Variants in CFAP54 observed in about 807,000 individuals in gnomAD.
CFAP54 encodes the protein cilia and flagella associated protein 54, also known as cilia- and flagella-associated protein 54.
In CFAP54, 290 loss-of-function variants were observed where a neutral mutation model predicts 370.4. That is an observed-to-expected ratio of 0.78 (90% confidence interval 0.71 to 0.86). CFAP54 has a LOEUF of 0.86. Among genes scored for constraint, CFAP54 ranks in the 40% least tolerant of loss-of-function variants. CFAP54 has a pLI of 0.00. For missense variants in CFAP54, 3,399 were observed against 3,528.7 expected (o/e 0.96, Z 0.93); for synonymous variants, 1,206 against 1,236.5 (o/e 0.98, Z 0.52).
intron 65 of CFAP54, among the ~76,000 whole-genome samples, chr12:96,827,870 TTA>T (rs1265131356): frequency 8.9e-6 from 1 of 112,802 alleles, no homozygotes; most frequent in African/African-American, 3.6e-5. Flanking sequence ...TAGTAATATA[TTA>T]TATATAGTTA....
intron 22 of CFAP54, among the ~76,000 whole-genome samples, chr12:96,585,149 C>T (rs1956065628): frequency 6.6e-6 from 1 of 150,422 alleles, no homozygotes; most frequent in Non-Finnish European, 1.5e-5. Flanking sequence ...ATTTTTTTGA[C>T]TTCTTTTTAT....
intron 52 of CFAP54, 70 bp from the exon 53 acceptor site, chr12:96,743,332 G>A: frequency 6.9e-7 from 1 of 1,454,390 alleles, no homozygotes; most frequent in Non-Finnish European, 9.5e-7. Context: ...GATGAAAATT[G>A]GGGCTATTAC....
chr12:96,674,009 T>G (rs1047820213), intron 39 of CFAP54, among the ~76,000 whole-genome samples: 2 of 152,224 alleles, frequency 1.3e-5, no homozygotes, highest in Non-Finnish European at 2.9e-5. Flanking sequence ...TTAAGCTCCA[T>G]AGGGGAGATA....
intron 33 of CFAP54, chr12:96,645,480 C>G (rs1472050036): frequency 1.1e-5 from 2 of 174,388 alleles, no homozygotes; most frequent in African/African-American, 2.4e-5. Flanking sequence ...ACATTCCATG[C>G]TTAGGGATAG....
At chr12:96,498,572 G>C (rs1372586623) in intron 1 of CFAP54, among the ~76,000 whole-genome samples, 5 of 152,194 alleles carry the variant, frequency 3.3e-5, no homozygotes, top group Non-Finnish European at 5.9e-5. Flanking sequence ...AGAATCACTT[G>C]AATCCAGGAG....
chr12:96,779,312 G>A (rs2136687995), intron 60 of CFAP54, among the ~76,000 whole-genome samples: 1 of 152,168 alleles, frequency 6.6e-6, no homozygotes, highest in African/African-American at 2.4e-5. Flanking sequence ...TGAATTTTGT[G>A]TAAATGAAAT....
Position 96,811,764 on chromosome 12 carries a change from A to G in CFAP54, c.8879A>G (p.Lys2960Arg). 3.3e-6 allele frequency: 5 copies of G among 1,515,362 alleles called. No homozygotes were observed. The highest frequency in any genetic ancestry group is 4.4e-6 in the Non-Finnish European group (5 of 1,137,808). 93.9% of individuals were successfully genotyped at this position (1,515,362 alleles called of 1,614,324 possible). The change falls in exon 64 of 68, where the codon AAG becomes AGG. Residue 2960 changes from lysine (K) to arginine (R), a missense_variant. By Grantham distance (26) the Lys-to-Arg change is conservative. This residue lies in a region of CFAP54 where 2,796 missense variants were observed against 2,869.7 expected (regional missense o/e 0.97). Coordinates refer to ENST00000524981, the MANE Select transcript of CFAP54 (RefSeq NM_001306084.2). Reference sequence around the variant, plus strand: ...TTATTGTTGTATGCATATAATTTGAAGCCTCTGAAGATTTCAGATGTTAGA... The same window carrying G: ...TTATTGTTGTATGCATATAATTTGAGGCCTCTGAAGATTTCAGATGTTAGA... Reference protein sequence around the residue: ...MVLLLYAYNLKPLKISDVRHS... With the variant: ...MVLLLYAYNLRPLKISDVRHS...
At chr12:96,737,097 G>T (rs11108665) in intron 50 of CFAP54, among the ~76,000 whole-genome samples, 1 of 152,100 alleles carries the variant, frequency 6.6e-6, no homozygotes, top group East Asian at 1.9e-4. Flanking sequence ...TCAGATTTCA[G>T]ATTTTTGGGG....
Position 96,527,238 on chromosome 12 carries a change from A to G in CFAP54, c.1159-8A>G. Reference sequence around the variant, plus strand: ...AATGGACTGAACTTTTTTTTTTCTCAATTTCAGTTATCATGGCCACGAACT... The same window carrying G: ...AATGGACTGAACTTTTTTTTTTCTCGATTTCAGTTATCATGGCCACGAACT... On this transcript the variant is annotated splice_polypyrimidine_tract_variant and splice_region_variant and intron_variant, in intron 8 of 67. Transcript: ENST00000524981. 1.3e-6 allele frequency: 2 copies of G among 1,494,092 alleles called. No homozygotes were observed. The highest frequency in any genetic ancestry group is 2.8e-5 in the African/African-American group (2 of 70,432). 92.6% of individuals were successfully genotyped at this position (1,494,092 alleles called of 1,614,324 possible). A position where few individuals can be genotyped will look rare whatever the true frequency, so the allele number is the denominator to read the frequency against.
At chr12:96,641,555 T>G (rs1956727820) in intron 32 of CFAP54, among the ~76,000 whole-genome samples, 1 of 152,130 alleles carries the variant, frequency 6.6e-6, no homozygotes. Flanking sequence ...AAATACCATT[T>G]GACCCAGCCA....
chr12:96,720,304 C>T (rs1254668602), intron 49 of CFAP54, 101 bp from the exon 50 acceptor site: 2 of 1,060,068 alleles, frequency 1.9e-6, no homozygotes, highest in South Asian at 7.7e-5. Context: ...GTCTTCCATT[C>T]ATTGTTACTT....
rs541313656 is a variant in CFAP54, at chr12:96,874,280, T to G, written c.*15-838T>G. 1.4e-4 allele frequency among the ~76,000 whole-genome samples: 22 copies of G among 152,310 alleles called. No homozygotes were observed. In the South Asian group the frequency reaches 4.3e-3, roughly 30 times the overall value. ...TCCACAGGATGGTATTTCAATGTTTTTTACATTTCTAATATGCATATAGTG... is the reference window on the plus strand; with the variant it reads ...TCCACAGGATGGTATTTCAATGTTTGTTACATTTCTAATATGCATATAGTG... On this transcript the variant is annotated intron_variant, in intron 67 of 67. Transcript: ENST00000524981.
chr12:96,644,474 C>G (rs1956768371), intron 33 of CFAP54, 66 bp downstream of exon 33: 1 of 1,149,922 alleles, frequency 8.7e-7, no homozygotes, highest in Admixed American at 2.1e-5. Flanking sequence ...TTTGTATGTT[C>G]AGAGCTCCAA....
At chr12:96,834,998 G>A (rs1267793778) in intron 66 of CFAP54, among the ~76,000 whole-genome samples, 1 of 152,134 alleles carries the variant, frequency 6.6e-6, no homozygotes, top group Non-Finnish European at 1.5e-5. Flanking sequence ...AGACCCTGGA[G>A]TGGGAAGCTC....
At position 96,617,602 on chromosome 12, in the gene CFAP54, A is replaced by G. The variant is rs1449769075; in HGVS notation, c.3640-3988A>G. The stretch of plus-strand genomic sequence containing the variant: ...GCAGGGGTCCCATGCAATCCAAAGC[A>G]CCCTTTTCTTTTTCCAGTGCTACGA... On this transcript the variant is annotated intron_variant, in intron 26 of 67. Coordinates refer to ENST00000524981, the MANE Select transcript of CFAP54 (RefSeq NM_001306084.2). 2.0e-5 allele frequency among the ~76,000 whole-genome samples: 3 copies of G among 152,124 alleles called. No individual in the cohort carries two copies. The East Asian group carries it at 5.8e-4, about 29-fold the overall frequency.
intron 43 of CFAP54, among the ~76,000 whole-genome samples, chr12:96,690,758 T>C (rs535408868): frequency 6.6e-6 from 1 of 152,302 alleles, no homozygotes; most frequent in East Asian, 1.9e-4. Context: ...AATTATATCA[T>C]TTGTGACATA....
intron 67 of CFAP54, among the ~76,000 whole-genome samples, chr12:96,874,240 G>C (rs561382192): frequency 1.3e-5 from 2 of 152,108 alleles, no homozygotes; most frequent in East Asian, 3.9e-4. Context: ...ACACTCCCGT[G>C]GAATTGATCT....
At chr12:96,593,039 C>T (rs1175296091) in intron 24 of CFAP54, among the ~76,000 whole-genome samples, 1 of 152,122 alleles carries the variant, frequency 6.6e-6, no homozygotes, top group African/African-American at 2.4e-5. Flanking sequence ...GATCTACTTG[C>T]TATTCTGCAA....
intron 65 of CFAP54, among the ~76,000 whole-genome samples, chr12:96,819,415 T>C (rs1295353502): frequency 1.3e-5 from 2 of 152,186 alleles, no homozygotes; most frequent in Non-Finnish European, 2.9e-5. Context: ...GTGCCACCAG[T>C]TTGGAAGACA....
Sources: allele counts gnomAD v4.1 joint callset (sites outside exome capture counted in the v4.1 genomes callset), GRCh38; gene constraint gnomAD v4.1.1; regional missense constraint gnomAD v4.1.1; transcripts MANE v1.5; gene names NCBI Gene and HGNC (gene_info 2026-07-23, HGNC 2026-07-21).